Variants in BICRAL observed in about 807,000 individuals in gnomAD.
The protein encoded by BICRAL is BRD4-interacting chromatin-remodeling complex-associated protein-like.
A neutral mutation model predicts 91.8 loss-of-function variants in BICRAL; 8 were observed. That is an observed-to-expected ratio of 0.09 (90% CI 0.05 to 0.16). BICRAL has a LOEUF of 0.16. Ranked by LOEUF, BICRAL falls within the 10% of genes least tolerant of loss-of-function variation. The pLI is 1.00. For synonymous variants in BICRAL, 445 were observed against 491.1 expected (o/e 0.91, Z 1.24); for missense variants, 1,038 against 1,310.9 (o/e 0.79, Z 3.21).
At chr6:42,774,738 T>A (rs1166557179) in intron 1 of BICRAL, among the ~76,000 whole-genome samples, 1 of 152,162 alleles carries the variant, frequency 6.6e-6, no homozygotes, top group Non-Finnish European at 1.5e-5. Context: ...TCTAAGGGTA[T>A]TTAATCAGGC....
At chr6:42,814,430 CACAT>C (rs1763919879) in intron 2 of BICRAL, among the ~76,000 whole-genome samples, 1 of 139,054 alleles carries the variant, frequency 7.2e-6, no homozygotes, top group South Asian at 2.2e-4. Flanking sequence ...CATATATATA[CACAT>C]ACATGTATGT....
intron 6 of BICRAL, among the ~76,000 whole-genome samples, chr6:42,830,742 G>T (rs1764451429): frequency 1.3e-5 from 2 of 151,970 alleles, no homozygotes; most frequent in Non-Finnish European, 1.5e-5. Flanking sequence ...CAGCCTCCCA[G>T]GTAGCTGTGA....
At chr6:42,823,070 C>A (rs1582845886) in intron 5 of BICRAL, 67 bp downstream of exon 5, 2 of 840,790 alleles carry the variant, frequency 2.4e-6, no homozygotes, top group Non-Finnish European at 4.1e-6. Flanking sequence ...GTGAACTGAG[C>A]CTTTAACTGC....
chr6:42,825,744 T>C (rs1400311983), intron 5 of BICRAL, among the ~76,000 whole-genome samples: 4 of 148,756 alleles, frequency 2.7e-5, no homozygotes, highest in Admixed American at 2.7e-4. Flanking sequence ...ACCCAAGACA[T>C]GTATTAACCT....
At chr6:42,811,541 A>T (rs552816818) in intron 2 of BICRAL, among the ~76,000 whole-genome samples, 197 of 152,126 alleles carry the variant, frequency 1.3e-3, no homozygotes, top group African/African-American at 4.3e-3. Context: ...GAATCACTTG[A>T]ACCTGGGAGG....
At chr6:42,821,493 C>T (rs539957430) in intron 2 of BICRAL, among the ~76,000 whole-genome samples, 12 of 152,246 alleles carry the variant, frequency 7.9e-5, no homozygotes, top group South Asian at 4.2e-4. Flanking sequence ...AGACTGCCTG[C>T]GGCTAGGGTG....
intron 2 of BICRAL, among the ~76,000 whole-genome samples, chr6:42,817,291 C>T (rs1277134711): frequency 5.9e-5 from 9 of 151,896 alleles, no homozygotes; most frequent in Non-Finnish European, 1.0e-4. Context: ...ATGATTAAAA[C>T]TGCCTCATTA....
chr6:42,780,685 C>G (rs1762884827), upstream of BICRAL, among the ~76,000 whole-genome samples: 1 of 152,012 alleles, frequency 6.6e-6, no homozygotes, highest in Non-Finnish European at 1.5e-5. Flanking sequence ...TGTAGTTAAC[C>G]TAGACTACAA....
chr6:42,808,327 C>T (rs1448898506), intron 1 of BICRAL, among the ~76,000 whole-genome samples: 1 of 152,014 alleles, frequency 6.6e-6, no homozygotes, highest in Admixed American at 6.6e-5. Context: ...GATGGGGTTT[C>T]TCCATGTTGG....
chr6:42,816,220 T>C (rs1763992012), intron 2 of BICRAL, among the ~76,000 whole-genome samples: 1 of 149,144 alleles, frequency 6.7e-6, no homozygotes, highest in Non-Finnish European at 1.5e-5. Context: ...AAAAAAAAAG[T>C]TCTAAGTATT....
intron 6 of BICRAL, among the ~76,000 whole-genome samples, chr6:42,844,703 G>GA (rs760362359): frequency 3.5e-4 from 53 of 152,004 alleles, no homozygotes; most frequent in Non-Finnish European, 6.3e-4. Context: ...ACAGACTGAG[G>GA]AGAGAGCAGG....
intron 1 of BICRAL, among the ~76,000 whole-genome samples, chr6:42,790,802 G>A (rs1477882280): frequency 6.6e-6 from 1 of 152,002 alleles, no homozygotes; most frequent in Non-Finnish European, 1.5e-5. Flanking sequence ...GCATGGCATG[G>A]CTCTTGCTTG....
chr6:42,833,020 A>G (rs1268431566), intron 6 of BICRAL, among the ~76,000 whole-genome samples: 2 of 151,624 alleles, frequency 1.3e-5, no homozygotes, highest in African/African-American at 4.8e-5. Flanking sequence ...TTTTTTCTTT[A>G]GAGATGGGAT....
intron 2 of BICRAL, among the ~76,000 whole-genome samples, chr6:42,817,331 G>A (rs1481891153): frequency 1.3e-5 from 2 of 152,052 alleles, no homozygotes; most frequent in Non-Finnish European, 2.9e-5. Context: ...ACTCCACTAT[G>A]TAGGTAAACC....
At chr6:42,775,952 C>A (rs764887157) in intron 1 of BICRAL, among the ~76,000 whole-genome samples, 1 of 152,176 alleles carries the variant, frequency 6.6e-6, no homozygotes, top group Non-Finnish European at 1.5e-5. Context: ...ATAACAACAA[C>A]AACCACAACA....
intron 1 of BICRAL, among the ~76,000 whole-genome samples, chr6:42,787,369 A>G (rs1328231483): frequency 6.6e-6 from 1 of 152,164 alleles, no homozygotes; most frequent in Admixed American, 6.6e-5. Flanking sequence ...CTGAATATTT[A>G]AGTTGAGCTG....
At chr6:42,765,532 G>T (rs917454558) in intron 1 of BICRAL, among the ~76,000 whole-genome samples, 18 of 152,136 alleles carry the variant, frequency 1.2e-4, no homozygotes, top group Non-Finnish European at 2.4e-4. Flanking sequence ...ATTTTTTTCT[G>T]TTCTTTGTCT....
rs754097111 is a variant in BICRAL at position 42,822,809 on chromosome 6, T to C, written c.55T>C (p.Leu19=). The change falls in exon 4 of 13, where the codon TTG becomes CTG. Residue 19 remains leucine (L), a synonymous_variant. Coordinates refer to ENST00000314073, the MANE Select transcript of BICRAL (RefSeq NM_001393499.1). The part of the protein sequence containing the change: ...LLDLIGDPQA[L]NYFLHGPSNK... ...TCTCTTTTCTAGAGACCCACAAGCA[T>C]TGAACTATTTTCTACATGGACCTAG... The C allele has an allele frequency of 4.5e-6, 7 of 1,555,618 alleles. No homozygotes were observed. The African/African-American group carries it at 6.8e-5, about 15-fold the overall frequency.
chr6:42,751,807 G>A lies in BICRAL; in HGVS notation c.-261+4784G>A, dbSNP rs570564524. Among the ~76,000 whole-genome samples the A allele has an allele frequency of 3.3e-5, 5 of 152,012 alleles. No homozygotes were observed. The East Asian group carries it at 7.7e-4, about 24-fold the overall frequency. On this transcript the variant is annotated intron_variant, in intron 1 of 14. Transcript: ENST00000614467. ...CAAGAGGCTGGGATTATAGGCATGCGCCACCATGCCGGGCTAATTTTGTAT... is the reference window on the plus strand; with the variant it reads ...CAAGAGGCTGGGATTATAGGCATGCACCACCATGCCGGGCTAATTTTGTAT...
Sources: allele counts gnomAD v4.1 joint callset (sites outside exome capture counted in the v4.1 genomes callset), GRCh38; gene constraint gnomAD v4.1.1; transcripts MANE v1.5; gene names NCBI Gene and HGNC (gene_info 2026-07-23, HGNC 2026-07-21).